Variants in SGK1 observed in about 807,000 individuals in gnomAD.
SGK1 encodes serum/glucocorticoid regulated kinase 1.
Under a neutral mutation model 64.2 loss-of-function variants are expected in SGK1, and 26 were observed. That is an observed-to-expected ratio of 0.40 (90% CI 0.30 to 0.56). SGK1 has a LOEUF of 0.56. SGK1 is among the 20% of genes least tolerant of loss of function. SGK1 has a pLI of 0.38. For synonymous variants in SGK1, 265 were observed against 239.7 expected (o/e 1.11, Z -0.98); for missense variants, 519 against 645.6 (o/e 0.80, Z 2.12).
chr6:134,259,758 C>G (rs1200592770), intron 2 of SGK1: 1 of 152,174 alleles, frequency 6.6e-6, no homozygotes, highest in East Asian at 1.9e-4. Flanking sequence ...AAAGTTGACT[C>G]TATCCCTTGC....
chr6:134,233,040 A>G (rs1223085434), intron 2 of SGK1, among the ~76,000 whole-genome samples: 1 of 146,888 alleles, frequency 6.8e-6, no homozygotes, highest in East Asian at 2.0e-4. Context: ...AAGTTTATCT[A>G]TCTACATACT....
At chr6:134,304,680 G>A (rs951771909) in intron 1 of SGK1, among the ~76,000 whole-genome samples, 3 of 151,760 alleles carry the variant, frequency 2.0e-5, no homozygotes, top group Admixed American at 6.6e-5. Flanking sequence ...CCAGTCTGGG[G>A]GACAGAGCAA....
At chr6:134,294,758 G>A (rs986295795) in intron 1 of SGK1, among the ~76,000 whole-genome samples, 6 of 152,088 alleles carry the variant, frequency 3.9e-5, no homozygotes, top group African/African-American at 1.2e-4. Context: ...GGCTGGTCTC[G>A]AACTCCTGAT....
chr6:134,228,971 GTAGCTGGGACTACTGGC>G (rs1454352455), intron 2 of SGK1, among the ~76,000 whole-genome samples: 1 of 151,974 alleles, frequency 6.6e-6, no homozygotes, highest in East Asian at 1.9e-4. Context: ...AGCCTCCTGA[GTAGCTGGGACTACTGGC>G]GCCCGCCACT....
At chr6:134,231,859 G>T (rs570841171) in intron 2 of SGK1, among the ~76,000 whole-genome samples, 6 of 151,900 alleles carry the variant, frequency 3.9e-5, no homozygotes, top group Non-Finnish European at 8.8e-5. Context: ...GGCCAACATG[G>T]TGAAACCCTG....
rs767930401 is a variant in SGK1, at chr6:134,173,548, T to C, written c.532A>G (p.Ile178Val). 5.0e-5 allele frequency: 80 copies of C among 1,609,232 alleles called. No individual in the cohort carries two copies. Among genetic ancestry groups the C allele is most frequent in the Non-Finnish European group, 5.3e-5 (62 of 1,178,684 alleles). Residue 178 changes from isoleucine (I) to valine (V), a missense_variant, in exon 6 of 14, where the codon ATC (isoleucine) becomes GTC (valine). Transcript: ENST00000367858. ...GGATTGGACGACGGGCCAAGGTTGA[T>C]TTGCTGAGAAGGACTTGGCTAGAAA... Reference protein sequence around the residue: ...PSPPPSPSQQINLGPSSNPHA... With the variant: ...PSPPPSPSQQVNLGPSSNPHA...
At chr6:134,171,757 C>T (rs765468731) in intron 10 of SGK1, 25 bp from the exon 11 acceptor site, 12 of 1,504,632 alleles carry the variant, frequency 8.0e-6, no homozygotes, top group South Asian at 3.4e-5. Flanking sequence ...AGGGAAACAG[C>T]GTTTAGAACC....
At chr6:134,308,932 G>A (rs1777573184) in intron 1 of SGK1, among the ~76,000 whole-genome samples, 1 of 152,150 alleles carries the variant, frequency 6.6e-6, no homozygotes, top group Admixed American at 6.5e-5. Flanking sequence ...AACAGAGAGA[G>A]AGAAAGAGAG....
In SGK1 at chr6:134,170,847, A is replaced by T; in HGVS notation, c.1392T>A (p.Thr464=). The T allele has an allele frequency of 6.2e-7, 1 of 1,607,204 alleles. No homozygotes were observed. Among genetic ancestry groups the T allele is most frequent in the Non-Finnish European group, 8.5e-7 (1 of 1,173,724 alleles). ...NWDDLINKKI[T]PPFNPNVSGP... Reference sequence around the variant, plus strand: ...TCACCACATTTGGGTTAAAAGGGGGAGTAATCTTCTTATTAATGAGATCAT... The same window carrying T: ...TCACCACATTTGGGTTAAAAGGGGGTGTAATCTTCTTATTAATGAGATCAT... Residue 464 remains threonine (T), a synonymous_variant, in exon 13 of 14, where the codon ACT becomes ACA. Coordinates refer to ENST00000367858, the MANE Select transcript of SGK1 (RefSeq NM_001143676.3).
At position 134,249,949 on chromosome 6, in the gene SGK1, C is replaced by T. The variant is rs1308557976; in HGVS notation, c.285+11984G>A. Among the ~76,000 whole-genome samples, 2 of 152,152 alleles carry T rather than the reference C, an allele frequency of 1.3e-5. 1 individual carries two copies. Among genetic ancestry groups the T allele is most frequent in the Non-Finnish European group, 2.9e-5 (2 of 68,028 alleles). ...GTTAATGCATTTAACGTTTTCTAAT[C>T]TACAAAGACCTATAACCTCTGCTCC... On this transcript the variant is annotated intron_variant, in intron 2 of 13. Coordinates refer to ENST00000367858, the MANE Select transcript of SGK1 (RefSeq NM_001143676.3).
chr6:134,221,423 G>A (rs968765768), intron 2 of SGK1, among the ~76,000 whole-genome samples: 3 of 152,214 alleles, frequency 2.0e-5, no homozygotes, highest in African/African-American at 7.2e-5. Flanking sequence ...ACCCTGGAAT[G>A]TTCTTTGCCT....
intron 3 of SGK1, among the ~76,000 whole-genome samples, chr6:134,203,817 AC>A (rs1162708650): frequency 6.6e-6 from 1 of 152,130 alleles, no homozygotes; most frequent in Non-Finnish European, 1.5e-5. Flanking sequence ...TAATCCCAGC[AC>A]TTTGGGAGGC....
chr6:134,290,641 G>A (rs1777251099), intron 1 of SGK1, among the ~76,000 whole-genome samples: 1 of 152,150 alleles, frequency 6.6e-6, no homozygotes, highest in Non-Finnish European at 1.5e-5. Flanking sequence ...GCAGGGCGCT[G>A]CAGCTCTGTT....
intron 2 of SGK1, among the ~76,000 whole-genome samples, chr6:134,219,499 G>A (rs548071919): frequency 6.6e-6 from 1 of 152,180 alleles, no homozygotes; most frequent in East Asian, 1.9e-4. Context: ...GGTATCTCAC[G>A]CCTGTAATCC....
intron 2 of SGK1, among the ~76,000 whole-genome samples, chr6:134,230,751 T>C (rs1188807836): frequency 1.3e-5 from 2 of 152,164 alleles, no homozygotes; most frequent in Non-Finnish European, 2.9e-5. Context: ...CAGTGGCTCA[T>C]GCCTGTAATC....
At chr6:134,234,257 G>T (rs1318159230) in intron 2 of SGK1, among the ~76,000 whole-genome samples, 1 of 152,018 alleles carries the variant, frequency 6.6e-6, no homozygotes, top group Non-Finnish European at 1.5e-5. Flanking sequence ...CAAAAAATTA[G>T]CCTGGTGTGG....
chr6:134,312,063 C>T (rs533154977), intron 1 of SGK1, among the ~76,000 whole-genome samples: 10 of 152,306 alleles, frequency 6.6e-5, no homozygotes, highest in African/African-American at 1.9e-4. Flanking sequence ...TTGGCATCAT[C>T]GCAGTGCACT....
chr6:134,271,828 A>G (rs1387011747), intron 1 of SGK1, among the ~76,000 whole-genome samples: 4 of 147,200 alleles, frequency 2.7e-5, no homozygotes, highest in African/African-American at 9.8e-5. Context: ...GTAAGTTCTC[A>G]TTCCAGTGTT....
chr6:134,279,252 T>G (rs1382952846), intron 1 of SGK1, among the ~76,000 whole-genome samples: 1 of 151,966 alleles, frequency 6.6e-6, no homozygotes, highest in Non-Finnish European at 1.5e-5. Flanking sequence ...GCCAACATGG[T>G]GAAACCCCGT....
Sources: allele counts gnomAD v4.1 joint callset (sites outside exome capture counted in the v4.1 genomes callset), GRCh38; gene constraint gnomAD v4.1.1; transcripts MANE v1.5; gene names NCBI Gene and HGNC (gene_info 2026-07-23, HGNC 2026-07-21).